UACA: variants seen among roughly 807,000 people sequenced by gnomAD.
UACA encodes nuclear membrane binding protein.
In UACA, 112 loss-of-function variants were observed where a neutral mutation model predicts 160.5. The observed-to-expected ratio is 0.70, with a 90% confidence interval of 0.60 to 0.82. The LOEUF (loss-of-function observed/expected upper bound fraction) is 0.82. UACA is among the 40% of genes least tolerant of loss of function. The pLI, the probability that UACA is intolerant of heterozygous loss-of-function variation, is 0.00. For synonymous variants in UACA, 557 were observed against 568.4 expected (o/e 0.98, Z 0.29); for missense variants, 1,574 against 1,614.6 (o/e 0.97, Z 0.43).
intron 5 of UACA, among the ~76,000 whole-genome samples, chr15:70,688,024 G>A (rs1470063208): frequency 6.6e-6 from 1 of 152,084 alleles, no homozygotes; most frequent in Non-Finnish European, 1.5e-5. Context: ...AATTTATTAG[G>A]ACCAAGGAAT....
At position 70,694,622 on chromosome 15, in the gene UACA, T is replaced by C. The variant is rs891339754; in HGVS notation, c.301+395A>G. Among the ~76,000 whole-genome samples, 5 of 152,256 alleles carry C rather than the reference T, an allele frequency of 3.3e-5. 1 individual carries two copies. In the South Asian group the frequency reaches 8.3e-4, roughly 25 times the overall value. Reference sequence around the variant, plus strand: ...AGAAGAATAGCTATTAAATGTTATATACATGTCAGCTATTCTTGTTATTAT... The same window carrying C: ...AGAAGAATAGCTATTAAATGTTATACACATGTCAGCTATTCTTGTTATTAT... On this transcript the variant is annotated intron_variant, in intron 3 of 18. Coordinates refer to ENST00000322954, the MANE Select transcript of UACA (RefSeq NM_018003.4).
chr15:70,668,894 A>T lies in UACA; in HGVS notation c.1790T>A (p.Met597Lys). The T allele has an allele frequency of 6.2e-7, 1 of 1,613,452 alleles. No homozygotes were observed. Among genetic ancestry groups the T allele is most frequent in the Non-Finnish European group, 8.5e-7 (1 of 1,179,908 alleles). ...TTTCTTCTCTCGCTCCATTTCACAC[A>T]TACTAAGTTCCTTCTGTAATCGCTT... is the stretch of plus-strand genomic sequence containing the variant. The part of the protein sequence containing the change: ...ENKRLQKELS[M>K]CEMEREKKGR... The change falls in exon 16 of 19, where the codon ATG becomes AAG. Residue 597 changes from methionine to lysine, a missense_variant. By Grantham distance (95) the Met-to-Lys change is moderately conservative. Coordinates refer to ENST00000322954, the MANE Select transcript of UACA (RefSeq NM_018003.4).
chr15:70,664,879 C>A (rs1896849825), intron 16 of UACA, 65 bp from the exon 17 acceptor site: 3 of 1,421,600 alleles, frequency 2.1e-6, no homozygotes, highest in Non-Finnish European at 2.8e-6. Context: ...CATCTTTGTA[C>A]AGAAATCATT....
At chr15:70,772,965 T>G in the UACA span, among the ~76,000 whole-genome samples, 1 of 151,466 alleles carries the variant, frequency 6.6e-6, no homozygotes, top group Non-Finnish European at 1.5e-5. Context: ...TGTTGGCACC[T>G]GTAATCCCAG....
At chr15:70,684,775 A>G (rs1323967665) in intron 7 of UACA, among the ~76,000 whole-genome samples, 1 of 152,000 alleles carries the variant, frequency 6.6e-6, no homozygotes, top group Admixed American at 6.5e-5. Flanking sequence ...AAGAATAGAC[A>G]CTACTTTAAG....
intron 3 of UACA, among the ~76,000 whole-genome samples, chr15:70,694,623 A>G (rs1898063896): frequency 6.6e-6 from 1 of 152,246 alleles, no homozygotes; most frequent in East Asian, 1.9e-4. Context: ...AATGTTATAT[A>G]CATGTCAGCT....
At chr15:70,767,851 G>C (rs1021448762), upstream of UACA, among the ~76,000 whole-genome samples, 1 of 152,154 alleles carries the variant, frequency 6.6e-6, no homozygotes, top group African/African-American at 2.4e-5. Flanking sequence ...ACCACGTGTG[G>C]CCACAGAGTC....
In UACA at chr15:70,670,867, CA is replaced by C. The variant is rs1897112968; in HGVS notation, c.1221+171del. ...ACACTCTAGAGGGCACCAGAAACAG[CA>C]ATATCTGTTTTTATTAAACTCAAGA... On this transcript the variant is annotated intron_variant, in intron 15 of 18. Coordinates refer to ENST00000322954, the MANE Select transcript of UACA (RefSeq NM_018003.4). Among the ~76,000 whole-genome samples the C allele has an allele frequency of 2.0e-5, 3 of 152,154 alleles. No individual in the cohort carries two copies. The South Asian group carries it at 6.2e-4, about 32-fold the overall frequency.
chr15:70,679,454 A>C (rs1206651044), intron 10 of UACA, among the ~76,000 whole-genome samples, 154 bp downstream of exon 10: 1 of 141,650 alleles, frequency 7.1e-6, no homozygotes, highest in African/African-American at 2.8e-5. Flanking sequence ...GAGATTAGGC[A>C]AAAAAAAAGA....
chr15:70,708,804 AT>A (rs1002077623), intron 1 of UACA, among the ~76,000 whole-genome samples: 35 of 152,108 alleles, frequency 2.3e-4, no homozygotes, highest in African/African-American at 4.8e-5. Flanking sequence ...ACAAATATTA[AT>A]TTTTTTAAAT....
chr15:70,657,390 C>G (rs1165289889), intron 18 of UACA, among the ~76,000 whole-genome samples: 2 of 152,104 alleles, frequency 1.3e-5, no homozygotes, highest in East Asian at 3.9e-4. Context: ...GTGGGTGGAT[C>G]ATTTGAGGTC....
At chr15:70,660,348 A>G in intron 17 of UACA, 132 bp from the exon 18 acceptor site, 1 of 639,076 alleles carries the variant, frequency 1.6e-6, no homozygotes, top group Non-Finnish European at 2.7e-6. Context: ...ACAACAAACT[A>G]CCTTGGACCT....
chr15:70,708,606 T>C (rs1164301237), intron 1 of UACA, among the ~76,000 whole-genome samples: 1 of 152,044 alleles, frequency 6.6e-6, no homozygotes, highest in Non-Finnish European at 1.5e-5. Flanking sequence ...TAGCTGGGAT[T>C]ACAGGTGCAC....
At chr15:70,688,857 C>A (rs1484491061) in intron 5 of UACA, among the ~76,000 whole-genome samples, 3 of 151,990 alleles carry the variant, frequency 2.0e-5, no homozygotes, top group Admixed American at 6.6e-5. Context: ...GAAGTAGGGG[C>A]TTTGGAGATA....
chr15:70,744,404 G>A (rs1345616734), intron 1 of UACA, among the ~76,000 whole-genome samples: 2 of 152,060 alleles, frequency 1.3e-5, no homozygotes, highest in Non-Finnish European at 2.9e-5. Context: ...AGGAGGGAGG[G>A]AGAGAAAAAA....
chr15:70,700,013 C>T (rs1367753523), intron 1 of UACA, among the ~76,000 whole-genome samples: 1 of 152,018 alleles, frequency 6.6e-6, no homozygotes, highest in East Asian at 1.9e-4. Context: ...CCCTAGTAAA[C>T]TAAAATTATC....
rs571541314 is a variant in UACA, at chr15:70,676,885, G to A, written c.1032+223C>T. ...TATTATTTTCAGGACAAGTTTCACA[G>A]AAAGTAAGACTTTCAGAGGCAATAA... On this transcript the variant is annotated intron_variant, in intron 12 of 18. Transcript: ENST00000322954. Among the ~76,000 whole-genome samples, 281 of 152,224 alleles carry A rather than the reference G, an allele frequency of 1.8e-3. 5 individuals carry two copies. Among genetic ancestry groups the A allele is most frequent in the Non-Finnish European group, 4.4e-5 (3 of 68,002 alleles).
chr15:70,749,213 A>G, intron 1 of UACA: 1 of 447,732 alleles, frequency 2.2e-6, no homozygotes, highest in Non-Finnish European at 4.5e-6. Context: ...GTATGTTTCA[A>G]TTTTTTCATA....
At chr15:70,661,593 A>G (rs1896708040) in intron 17 of UACA, 1 of 152,170 alleles carries the variant, frequency 6.6e-6, no homozygotes, top group Non-Finnish European at 1.5e-5. Context: ...AAACAATTCT[A>G]TGAAATAGGG....
Sources: gnomAD v4.1 joint callset for allele counts (sites outside exome capture counted in the v4.1 genomes callset) on GRCh38, gnomAD v4.1.1 for gene constraint, MANE v1.5 for transcripts, NCBI Gene and HGNC (gene_info 2026-07-23, HGNC 2026-07-21) for gene names.